The following MBOAT2 variants were observed in gnomAD, a reference collection of about 807,000 sequenced individuals.
The protein encoded by MBOAT2 is membrane bound glycerophospholipid O-acyltransferase 2, also known as membrane-bound glycerophospholipid O-acyltransferase 2.
Under a neutral mutation model 63.4 loss-of-function variants are expected in MBOAT2, and 28 were observed. The observed-to-expected ratio is 0.44, with a 90% CI of 0.33 to 0.61. The LOEUF is 0.61. Ranked by LOEUF, MBOAT2 falls within the 20% of genes least tolerant of loss-of-function variation. The pLI, the probability that MBOAT2 is intolerant of heterozygous loss-of-function variation, is 0.03. For synonymous variants in MBOAT2, 211 were observed against 215.6 expected, an observed-to-expected ratio of 0.98 and a Z score of 0.19; for missense variants, 470 against 605.8, an observed-to-expected ratio of 0.78 and a Z score of 2.35.
intron 2 of MBOAT2, 126 bp downstream of exon 2, chr2:8,958,371 G>T: frequency 1.2e-6 from 1 of 868,714 alleles, no homozygotes; most frequent in Non-Finnish European, 1.7e-6. Context: ...ATGAAAGTTG[G>T]CCTGGAGAAA....
intron 9 of MBOAT2, among the ~76,000 whole-genome samples, chr2:8,866,394 TAAAC>T (rs1411739636): frequency 1.3e-5 from 2 of 152,172 alleles, no homozygotes; most frequent in Admixed American, 6.5e-5. Flanking sequence ...GTGTTAATAA[TAAAC>T]AAAGGTGAGA....
At chr2:8,905,412 A>G (rs1665254973) in intron 4 of MBOAT2, among the ~76,000 whole-genome samples, 2 of 152,106 alleles carry the variant, frequency 1.3e-5, no homozygotes, top group East Asian at 1.9e-4. Context: ...AGCTAATTCG[A>G]CTATCTAATC....
intron 5 of MBOAT2, among the ~76,000 whole-genome samples, chr2:8,886,589 GAAAAGTTA>G: frequency 6.6e-6 from 1 of 152,158 alleles, no homozygotes; most frequent in East Asian, 1.9e-4. Flanking sequence ...AACCTAGTTT[GAAAAGTTA>G]AAGTGTATGA....
intron 9 of MBOAT2, among the ~76,000 whole-genome samples, chr2:8,865,941 G>A (rs1317394846): frequency 1.3e-5 from 2 of 152,182 alleles, no homozygotes; most frequent in Non-Finnish European, 2.9e-5. Flanking sequence ...GGAGGCTGAG[G>A]CAGGAGAATC....
At chr2:8,894,382 G>A (rs983667466) in intron 4 of MBOAT2, among the ~76,000 whole-genome samples, 26 of 152,198 alleles carry the variant, frequency 1.7e-4, no homozygotes, top group African/African-American at 6.0e-4. Context: ...GTAATCAAAC[G>A]TAGGTCAAGG....
chr2:8,910,174 G>GAGAGAGAAAGAACA (rs1489106317), intron 3 of MBOAT2, among the ~76,000 whole-genome samples: 1 of 144,570 alleles, frequency 6.9e-6, no homozygotes, highest in East Asian at 1.9e-4. Flanking sequence ...GAAAGACAGA[G>GAGAGAGAAAGAACA]AGAGAGAAAG....
At chr2:8,934,060 T>C (rs544914984) in intron 3 of MBOAT2, among the ~76,000 whole-genome samples, 2 of 152,336 alleles carry the variant, frequency 1.3e-5, no homozygotes, top group South Asian at 4.1e-4. Flanking sequence ...GGCACAATGC[T>C]ATGTTCTGAA....
At chr2:8,982,073 T>C (rs1671232762) in intron 1 of MBOAT2, among the ~76,000 whole-genome samples, 1 of 152,078 alleles carries the variant, frequency 6.6e-6, no homozygotes, top group Admixed American at 6.6e-5. Context: ...CGAGCCCAGG[T>C]TTGGTTTCCT....
intron 1 of MBOAT2, among the ~76,000 whole-genome samples, chr2:8,958,985 G>A (rs6707946): frequency 9.9e-5 from 15 of 152,088 alleles, no homozygotes; most frequent in Non-Finnish European, 1.8e-4. Context: ...GAAGAGAAAC[G>A]TGTTTTAATG....
chr2:8,960,639 T>C (rs1669540051), intron 1 of MBOAT2, among the ~76,000 whole-genome samples: 2 of 152,154 alleles, frequency 1.3e-5, no homozygotes, highest in Non-Finnish European at 2.9e-5. Context: ...AGACAAAGTA[T>C]GATTCCTTCC....
At chr2:8,869,497 A>G (rs977636383) in intron 8 of MBOAT2, among the ~76,000 whole-genome samples, 3 of 152,244 alleles carry the variant, frequency 2.0e-5, no homozygotes, top group African/African-American at 7.2e-5. Flanking sequence ...ATCATGACCA[A>G]AGAAAAAACA....
chr2:8,940,097 G>A (rs1471762085), intron 3 of MBOAT2, among the ~76,000 whole-genome samples: 3 of 151,586 alleles, frequency 2.0e-5, no homozygotes, highest in Non-Finnish European at 4.4e-5. Flanking sequence ...TACAATGAGG[G>A]GCCACCACCT....
intron 4 of MBOAT2, among the ~76,000 whole-genome samples, chr2:8,903,223 C>T (rs993833079): frequency 6.6e-6 from 1 of 152,166 alleles, no homozygotes. Context: ...CCCACCCGAC[C>T]CAGAAGCCCA....
At chr2:8,958,958 C>A (rs1186155919) in intron 1 of MBOAT2, among the ~76,000 whole-genome samples, 1 of 152,118 alleles carries the variant, frequency 6.6e-6, no homozygotes, top group African/African-American at 2.4e-5. Flanking sequence ...AAGCCCAGGG[C>A]ACCTATCGGT....
chr2:8,943,281 C>T lies in MBOAT2; in HGVS notation c.222-17G>A. 1 of 1,498,792 alleles carries T rather than the reference C, an allele frequency of 6.7e-7. No individual in the cohort carries two copies. The highest frequency in any genetic ancestry group is 1.3e-5 in the South Asian group (1 of 77,058). The allele number at this position is 1,498,792 out of a possible 1,614,324, so 92.8% of individuals were successfully genotyped here. ...AAGGCATACCTATAAAAAGTAAGAGCACTATTAGAAGAGGGATGCCAAGTC... is the reference window on the plus strand; with the variant it reads ...AAGGCATACCTATAAAAAGTAAGAGTACTATTAGAAGAGGGATGCCAAGTC... On this transcript the variant is annotated splice_polypyrimidine_tract_variant and intron_variant, in intron 2 of 12. Transcript: ENST00000305997.
chr2:8,958,561 A>T lies in MBOAT2; in HGVS notation c.157T>A (p.Ser53Thr). Residue 53 changes from serine to threonine, a missense_variant, in exon 2 of 13, where the codon TCT becomes ACT. Ser to Thr is a moderately conservative substitution (Grantham distance 58). This residue lies in a region of MBOAT2 where 376 missense variants were observed against 503.8 expected (regional missense o/e 0.75). Transcript: ENST00000305997. ...GTAGCAACTACATGTCTTATAAAAG[A>T]GCTAGTTTTGCTTGAATGTAGATAA... is the stretch of plus-strand genomic sequence containing the variant. Reference protein sequence around the residue: ...RTYLHSSKTSSFIRHVVATLL... With the variant: ...RTYLHSSKTSTFIRHVVATLL... The T allele has an allele frequency of 1.2e-6, 2 of 1,612,034 alleles. No individual in the cohort carries two copies. Among genetic ancestry groups the T allele is most frequent in the Non-Finnish European group, 1.7e-6 (2 of 1,179,482 alleles).
chr2:8,971,857 G>A (rs908262255), intron 1 of MBOAT2, among the ~76,000 whole-genome samples: 8 of 152,184 alleles, frequency 5.3e-5, no homozygotes, highest in Non-Finnish European at 8.8e-5. Context: ...ACTGCTCAAC[G>A]AAATAAAAGA....
At chr2:8,946,101 T>C (rs534501912) in intron 2 of MBOAT2, among the ~76,000 whole-genome samples, 2 of 152,236 alleles carry the variant, frequency 1.3e-5, no homozygotes, top group Non-Finnish European at 2.9e-5. Flanking sequence ...TAATAACAGA[T>C]GAATGACTCT....
intron 3 of MBOAT2, among the ~76,000 whole-genome samples, chr2:8,939,115 C>T (rs1667871712): frequency 6.6e-6 from 1 of 152,300 alleles, no homozygotes; most frequent in South Asian, 2.1e-4. Context: ...TACCAACAGC[C>T]TGATTTCATG....
Sources: gnomAD v4.1 joint callset for allele counts (sites outside exome capture counted in the v4.1 genomes callset) on GRCh38, gnomAD v4.1.1 for gene constraint, gnomAD v4.1.1 regional missense constraint, MANE v1.5 for transcripts, NCBI Gene and HGNC (gene_info 2026-07-23, HGNC 2026-07-21) for gene names.